The following NRXN3 variants were observed in gnomAD, a reference collection of about 807,000 sequenced individuals.
NRXN3 encodes neurexin III.
NRXN3 carries 32 observed loss-of-function variants against 137.6 expected under a neutral mutation model. That is an observed-to-expected ratio of 0.23 (90% CI 0.18 to 0.31). NRXN3 has a LOEUF of 0.31. Ranked by LOEUF, NRXN3 falls within the 10% of genes least tolerant of loss-of-function variation. NRXN3 has a pLI of 1.00. For synonymous variants in NRXN3, 798 were observed against 784.5 expected (o/e 1.02, Z -0.29); for missense variants, 1,574 against 2,062.5 (o/e 0.76, Z 4.59).
At chr14:79,593,188 C>A (rs1458732173) in intron 16 of NRXN3, among the ~76,000 whole-genome samples, 1 of 152,022 alleles carries the variant, frequency 6.6e-6, no homozygotes, top group African/African-American at 2.4e-5. Context: ...CTACTGATCG[C>A]TTATAGTACC....
chr14:79,606,176 T>C (rs1216375480), intron 16 of NRXN3, among the ~76,000 whole-genome samples: 3 of 152,218 alleles, frequency 2.0e-5, no homozygotes, highest in African/African-American at 7.2e-5. Context: ...GTGCAGCCGG[T>C]CCACCTCTTC....
At chr14:79,584,906 AC>A (rs1341698905) in intron 16 of NRXN3, among the ~76,000 whole-genome samples, 1 of 152,226 alleles carries the variant, frequency 6.6e-6, no homozygotes, top group African/African-American at 2.4e-5. Context: ...GGCCTCCCAA[AC>A]AAAAGTGGGA....
chr14:79,820,285 A>G lies in NRXN3; in HGVS notation c.4093+15095A>G, dbSNP rs563540512. On this transcript the variant is annotated intron_variant, in intron 20 of 20. Coordinates refer to ENST00000335750, the MANE Select transcript of NRXN3 (RefSeq NM_001330195.2). ...ATCTAGGACTCCTGCCTGCATTGCG[A>G]GCAAAAGCATGTATTTATATCTTAG... Among the ~76,000 whole-genome samples the G allele has an allele frequency of 1.8e-3, 271 of 152,260 alleles. 2 individuals carry two copies. The highest frequency in any genetic ancestry group is 6.4e-3 in the African/African-American group (266 of 41,518).
At position 78,410,114 on chromosome 14, in the gene NRXN3, G is replaced by A. The variant is rs185337129; in HGVS notation, c.757+112254G>A. 1.1e-3 allele frequency among the ~76,000 whole-genome samples: 166 copies of A among 152,208 alleles called. 1 individual carries two copies. The highest frequency in any genetic ancestry group is 3.1e-3 in the Admixed American group (48 of 15,286). On this transcript the variant is annotated intron_variant, in intron 4 of 20. Transcript: ENST00000335750. ...AGAAAGAGTCCTGGGCTTTTCTATCGTTGGCCCTATTAAGTTACCTGCCTG... is the reference window on the plus strand; with the variant it reads ...AGAAAGAGTCCTGGGCTTTTCTATCATTGGCCCTATTAAGTTACCTGCCTG...
At chr14:79,683,173 A>G (rs1415211361) in intron 17 of NRXN3, among the ~76,000 whole-genome samples, 1 of 152,204 alleles carries the variant, frequency 6.6e-6, no homozygotes, top group Admixed American at 6.5e-5. Flanking sequence ...CTAGTCTGGG[A>G]AAAGTGTCCT....
intron 4 of NRXN3, among the ~76,000 whole-genome samples, chr14:78,349,461 T>C (rs2215836): frequency 0.064 from 9,681 of 152,284 alleles, 390 homozygotes; most frequent in African/African-American, 0.11. Context: ...GGGAGCCCTT[T>C]CTTCCTTTCC....
chr14:78,242,989 C>G lies in NRXN3; in HGVS notation c.-105C>G. On this transcript the variant is annotated 5_prime_UTR_variant, in exon 2 of 21. Transcript: ENST00000335750. Reference sequence around the variant, plus strand: ...CTTCCTCCTGTGTGCTTTCTGTCCCCCCATCTCTGTCTTGTCTTTCCCACT... The same window carrying G: ...CTTCCTCCTGTGTGCTTTCTGTCCCGCCATCTCTGTCTTGTCTTTCCCACT... The G allele has an allele frequency of 1.3e-6, 1 of 761,868 alleles. No individual in the cohort carries two copies. Among genetic ancestry groups the G allele is most frequent in the Non-Finnish European group, 2.1e-6 (1 of 482,236 alleles). 47.2% of individuals were successfully genotyped at this position (761,868 alleles called of 1,614,324 possible).
In NRXN3 at chr14:78,467,906, T is replaced by G. The variant is rs1022599341; in HGVS notation, c.757+170046T>G. Among the ~76,000 whole-genome samples, 3 of 85,116 alleles carry G rather than the reference T, an allele frequency of 3.5e-5. No homozygotes were observed. The Admixed American group carries it at 4.2e-4, about 12-fold the overall frequency. 55.8% of individuals were successfully genotyped at this position (85,116 alleles called of 152,430 possible). ...TGTAAATACATATATCCTAGAAGTC[T>G]TATTATTATTGTTTTGTTGTTGTTG... On this transcript the variant is annotated intron_variant, in intron 4 of 20. Coordinates refer to ENST00000335750, the MANE Select transcript of NRXN3 (RefSeq NM_001330195.2).
chr14:79,145,155 T>C (rs192948065), intron 15 of NRXN3, among the ~76,000 whole-genome samples: 87 of 152,308 alleles, frequency 5.7e-4, no homozygotes, highest in African/African-American at 1.8e-3. Context: ...GCACGCTTAG[T>C]ACAGTCATTG....
intron 1 of NRXN3, among the ~76,000 whole-genome samples, chr14:78,207,531 C>T (rs2062325426): frequency 6.6e-6 from 1 of 152,194 alleles, no homozygotes; most frequent in African/African-American, 2.4e-5. Flanking sequence ...GCTACACAGG[C>T]AACTCCTACT....
At chr14:79,257,029 T>C (rs1473481473) in intron 15 of NRXN3, among the ~76,000 whole-genome samples, 1 of 152,144 alleles carries the variant, frequency 6.6e-6, no homozygotes, top group Non-Finnish European at 1.5e-5. Flanking sequence ...TGTCCTTAAA[T>C]AATTTGGGTG....
At chr14:78,250,077 A>G (rs748775755) in intron 2 of NRXN3, 2 of 516,766 alleles carry the variant, frequency 3.9e-6, no homozygotes, top group Non-Finnish European at 3.9e-6. Context: ...ACATGCGATT[A>G]TGATTCTCAT....
intron 15 of NRXN3, among the ~76,000 whole-genome samples, chr14:79,250,927 C>T (rs1022814531): frequency 4.5e-4 from 69 of 152,022 alleles, no homozygotes; most frequent in African/African-American, 1.6e-3. Context: ...CAATGTCCAT[C>T]AAATAGTAAG....
chr14:79,231,223 G>A (rs2072127762), intron 15 of NRXN3, among the ~76,000 whole-genome samples: 3 of 152,090 alleles, frequency 2.0e-5, no homozygotes, highest in South Asian at 2.1e-4. Flanking sequence ...TTGGTAAAAT[G>A]TTACCCTGAG....
intron 14 of NRXN3, among the ~76,000 whole-genome samples, chr14:78,987,091 G>A (rs556572067): frequency 1.9e-4 from 28 of 150,874 alleles, no homozygotes; most frequent in Non-Finnish European, 3.2e-4. Flanking sequence ...GTAGTGCAAC[G>A]GCTTTCAAAC....
chr14:78,963,122 A>G (rs758519772), intron 11 of NRXN3, among the ~76,000 whole-genome samples: 2 of 151,866 alleles, frequency 1.3e-5, no homozygotes, highest in African/African-American at 2.4e-5. Flanking sequence ...CACTTCTTGT[A>G]CTTATCCACA....
chr14:79,303,939 T>C (rs2085578784), intron 15 of NRXN3, among the ~76,000 whole-genome samples: 1 of 152,078 alleles, frequency 6.6e-6, no homozygotes, highest in Admixed American at 6.6e-5. Flanking sequence ...GTGGTAATAA[T>C]AGCAGTAGTG....
At chr14:78,224,029 G>A (rs569137889) in intron 1 of NRXN3, among the ~76,000 whole-genome samples, 2 of 152,114 alleles carry the variant, frequency 1.3e-5, no homozygotes, top group South Asian at 4.2e-4. Context: ...TTATTAGTCT[G>A]TCTGTGTCCT....
intron 4 of NRXN3, among the ~76,000 whole-genome samples, chr14:78,391,882 T>G (rs1191729248): frequency 6.6e-6 from 1 of 152,118 alleles, no homozygotes; most frequent in African/African-American, 2.4e-5. Flanking sequence ...TCTAGTATTA[T>G]TTTTCACCTT....
Sources: gnomAD v4.1 joint callset for allele counts (sites outside exome capture counted in the v4.1 genomes callset) on GRCh38, gnomAD v4.1.1 for gene constraint, MANE v1.5 for transcripts, NCBI Gene and HGNC (gene_info 2026-07-23, HGNC 2026-07-21) for gene names.